B3GALT5: variants seen among roughly 807,000 people sequenced by gnomAD.
B3GALT5 encodes the protein beta-1,3-galactosyltransferase 5.
For missense variants in B3GALT5, 328 were observed against 396.6 expected (o/e 0.83, Z 1.47); for synonymous variants, 156 against 158.6 (o/e 0.98, Z 0.12).
At chr21:39,620,562 G>A (rs1189441605) in intron 1 of B3GALT5, among the ~76,000 whole-genome samples, 1 of 152,168 alleles carries the variant, frequency 6.6e-6, no homozygotes, top group Non-Finnish European at 1.5e-5. Context: ...GTTACGCAAA[G>A]CATGTGGCTT....
chr21:39,634,087 T>C (rs1736999366), intron 1 of B3GALT5, among the ~76,000 whole-genome samples: 1 of 152,224 alleles, frequency 6.6e-6, no homozygotes, highest in African/African-American at 2.4e-5. Flanking sequence ...AAACAGTACT[T>C]GCCTTGACCA....
chr21:39,665,839 A>G lies in B3GALT5; in HGVS notation c.*4347A>G, dbSNP rs2079572978. 6.6e-6 allele frequency: 1 copy of G among 152,172 alleles called. No homozygotes were observed. Among genetic ancestry groups the G allele is most frequent in the Non-Finnish European group, 1.5e-5 (1 of 68,044 alleles). The allele number at this position is 152,172 out of a possible 1,614,324, so 9.4% of individuals were successfully genotyped here. ...AAGCATGTAATATCTGTTTATTATA[A>G]CATATCTATATTTTATGGTTTATGT... On this transcript the variant is annotated 3_prime_UTR_variant, in exon 4 of 4. Coordinates refer to ENST00000684187, the MANE Select transcript of B3GALT5 (RefSeq NM_001356336.2).
chr21:39,652,161 C>T (rs1395032390), intron 2 of B3GALT5, among the ~76,000 whole-genome samples: 4 of 152,180 alleles, frequency 2.6e-5, no homozygotes, highest in African/African-American at 9.7e-5. Flanking sequence ...GTTCTCACTG[C>T]AGGTGCCAGC....
rs546279466 is a variant in B3GALT5 at position 39,658,007 on chromosome 21, G to A, written c.-160-1746G>A. On this transcript the variant is annotated intron_variant, in intron 2 of 3. Coordinates refer to ENST00000684187, the MANE Select transcript of B3GALT5 (RefSeq NM_001356336.2). ...AGCTGGCCTGGGGTGGCTAGGATCT[G>A]GGGACACAGGCTGCCCTTTCCAGGC... The A allele has an allele frequency of 2.0e-5, 19 of 958,566 alleles. No homozygotes were observed. The East Asian group carries it at 3.3e-4, about 17-fold the overall frequency. The allele number at this position is 958,566 out of a possible 1,614,324, so 59.4% of individuals were successfully genotyped here. A position where few individuals can be genotyped will look rare whatever the true frequency, so the allele number is the denominator to read the frequency against.
At chr21:39,620,054 G>A (rs1360369227) in intron 1 of B3GALT5, among the ~76,000 whole-genome samples, 2 of 152,168 alleles carry the variant, frequency 1.3e-5, no homozygotes, top group Non-Finnish European at 2.9e-5. Context: ...TCGAACCCCT[G>A]GCCTCAAGTG....
At position 39,613,246 on chromosome 21, in the gene B3GALT5, T is replaced by C. The variant is rs138438453; in HGVS notation, c.-392+179T>C. ...TTTTAAATGAAGGGAAAGAAAATTG[T>C]TACAGACCAAATGTCATCAAACTTG... On this transcript the variant is annotated intron_variant, in intron 1 of 3. Transcript: ENST00000684187. Among the ~76,000 whole-genome samples, 384 of 152,250 alleles carry C rather than the reference T, an allele frequency of 2.5e-3. 7 individuals carry two copies. The East Asian group carries it at 0.032, about 13-fold the overall frequency.
rs1482346605 is a variant in B3GALT5 at position 39,660,955 on chromosome 21, C to T, written c.396C>T (p.Thr132=). 1 of 1,605,892 alleles carries T rather than the reference C, an allele frequency of 6.2e-7. No individual in the cohort carries two copies. The highest frequency in any genetic ancestry group is 1.1e-5 in the South Asian group (1 of 90,020). The change falls in exon 4 of 4, where the codon ACC becomes ACT. Residue 132 remains threonine, a synonymous_variant. Transcript: ENST00000684187. ...KDFLDVYYNL[T]LKTMMGIEWV... ...TCCTAGACGTCTATTACAATCTGAC[C>T]CTGAAGACCATGATGGGCATAGAAT...
rs762994044 is a variant in B3GALT5 at position 39,639,347 on chromosome 21, T to TTTCTTTCTTTCTTTTTTTCCTTCC, written c.-391-7042_-391-7041insTTTCTTTCTTTTTTTCCTTCCTTC. ...CTTTCTTTCTTTCTTTCTTTCTTTC[T>TTTCTTTCTTTCTTTTTTTCCTTCC]TTCCTTCCTTCCTTCCTTCCTTCCT... On this transcript the variant is annotated intron_variant, in intron 1 of 3. Transcript: ENST00000684187. Among the ~76,000 whole-genome samples, 71 of 66,790 alleles carry TTTCTTTCTTTCTTTTTTTCCTTCC rather than the reference T, an allele frequency of 1.1e-3. 1 individual carries two copies. Among genetic ancestry groups the TTTCTTTCTTTCTTTTTTTCCTTCC allele is most frequent in the Non-Finnish European group, 1.3e-3 (43 of 34,122 alleles). The allele number at this position is 66,790 out of a possible 152,430, so 43.8% of individuals were successfully genotyped here. A position where few individuals can be genotyped will look rare whatever the true frequency, so the allele number is the denominator to read the frequency against.
At chr21:39,636,052 G>T (rs539762874) in intron 1 of B3GALT5, among the ~76,000 whole-genome samples, 1 of 152,130 alleles carries the variant, frequency 6.6e-6, no homozygotes. Flanking sequence ...ATTTCCATCC[G>T]TGGACATGAT....
chr21:39,635,257 G>A (rs1036156429), intron 1 of B3GALT5, among the ~76,000 whole-genome samples: 4 of 152,120 alleles, frequency 2.6e-5, no homozygotes, highest in African/African-American at 9.7e-5. Context: ...GAAATCCGTG[G>A]ATTTTTCCCA....
intron 1 of B3GALT5, among the ~76,000 whole-genome samples, chr21:39,639,382 CCTTCCTTCCTTCTTTCTT>C (rs1334705541): frequency 1.9e-4 from 25 of 129,804 alleles, no homozygotes; most frequent in East Asian, 1.8e-3. Flanking sequence ...TTCCTTCCTT[CCTTCCTTCCTTCTTTCTT>C]TTTCTTTCTT....
chr21:39,636,377 G>A (rs907434872), intron 1 of B3GALT5, among the ~76,000 whole-genome samples: 2 of 152,172 alleles, frequency 1.3e-5, no homozygotes, highest in Admixed American at 6.5e-5. Context: ...TGAGGAAGGA[G>A]CTGAGCAGAG....
chr21:39,626,939 C>T (rs560361213), intron 1 of B3GALT5, among the ~76,000 whole-genome samples: 12 of 152,282 alleles, frequency 7.9e-5, no homozygotes, highest in East Asian at 1.9e-4. Flanking sequence ...TCATTTCTTA[C>T]GTTCCTCGCT....
At chr21:39,658,656 GA>G (rs933851287) in intron 2 of B3GALT5, among the ~76,000 whole-genome samples, 41 of 152,012 alleles carry the variant, frequency 2.7e-4, no homozygotes, top group Non-Finnish European at 5.9e-5. Flanking sequence ...AGAAAGAAAA[GA>G]AAGAAAGAAA....
intron 1 of B3GALT5, 149 bp from the exon 2 acceptor site, chr21:39,646,243 C>A (rs1442038165): frequency 2.0e-5 from 3 of 152,130 alleles, no homozygotes; most frequent in African/African-American, 7.2e-5. Flanking sequence ...CACCGGCCTC[C>A]TCTGTATGAA....
intron 1 of B3GALT5, among the ~76,000 whole-genome samples, chr21:39,621,545 G>A (rs913276809): frequency 8.6e-5 from 13 of 151,400 alleles, no homozygotes; most frequent in Admixed American, 3.3e-4. Context: ...TTGTTGCATC[G>A]TAGAGTGGAG....
chr21:39,619,407 A>G (rs1264297873), intron 1 of B3GALT5, among the ~76,000 whole-genome samples: 1 of 152,178 alleles, frequency 6.6e-6, no homozygotes, highest in African/African-American at 2.4e-5. Context: ...TTTGTCTCCA[A>G]ATACAGTCAC....
At chr21:39,639,454 T>TTC (rs2079270605) in intron 1 of B3GALT5, among the ~76,000 whole-genome samples, 5 of 129,872 alleles carry the variant, frequency 3.8e-5, no homozygotes, top group African/African-American at 1.6e-4. Context: ...CTTTCTTTCT[T>TTC]TTTTTCTTTC....
chr21:39,636,562 G>A (rs1602268522), intron 1 of B3GALT5, among the ~76,000 whole-genome samples: 1 of 152,270 alleles, frequency 6.6e-6, no homozygotes, highest in South Asian at 2.1e-4. Context: ...GCATTCACAG[G>A]AGACAGGCTC....
Sources: allele counts gnomAD v4.1 joint callset (sites outside exome capture counted in the v4.1 genomes callset), GRCh38; gene constraint gnomAD v4.1.1; transcripts MANE v1.5; gene names NCBI Gene and HGNC (gene_info 2026-07-23, HGNC 2026-07-21).